TMSB15B: variants seen among roughly 807,000 people sequenced by gnomAD.
TMSB15B encodes thymosin beta 15B, also known as thymosin beta-15B.
chrX:103,946,413 G>A (rs1358746598), intron 1 of TMSB15B, among the ~76,000 whole-genome samples: 5 of 112,240 alleles, frequency 4.5e-5, no homozygotes, highest in African/African-American at 9.7e-5. Flanking sequence ...GCAAGAGTAC[G>A]CATAAATGCT....
chrX:103,951,888 C>T (rs1178359735), intron 1 of TMSB15B, among the ~76,000 whole-genome samples: 2 of 110,602 alleles, frequency 1.8e-5, no homozygotes, highest in Non-Finnish European at 3.8e-5. Context: ...AAGAGAGGAG[C>T]GTATGGTCAG....
intron 1 of TMSB15B, among the ~76,000 whole-genome samples, chrX:103,943,347 G>A (rs1421716086): frequency 7.1e-5 from 8 of 111,970 alleles, no homozygotes; most frequent in African/African-American, 2.6e-4. Flanking sequence ...CATGCACATA[G>A]TAAGTGCTCA....
chrX:103,936,906 A>G (rs146265797), intron 1 of TMSB15B, among the ~76,000 whole-genome samples: 129 of 111,978 alleles, frequency 1.2e-3, no homozygotes, highest in African/African-American at 4.1e-3. Context: ...TGACATAATC[A>G]TATGGTTTTT....
intron 1 of TMSB15B, among the ~76,000 whole-genome samples, chrX:103,930,158 AC>A (rs1371031418): frequency 9.0e-6 from 1 of 111,579 alleles, no homozygotes; most frequent in Non-Finnish European, 1.9e-5. Flanking sequence ...AACCCCAAAC[AC>A]TAGCCATAAT....
At chrX:103,935,966 C>T (rs1200877293) in intron 1 of TMSB15B, among the ~76,000 whole-genome samples, 7 of 107,160 alleles carry the variant, frequency 6.5e-5, no homozygotes, top group Admixed American at 1.0e-4. Context: ...CCTGCCTCAG[C>T]GTCCCAAGAA....
intron 1 of TMSB15B, among the ~76,000 whole-genome samples, chrX:103,946,515 G>A (rs2075026068): frequency 8.9e-6 from 1 of 112,148 alleles, no homozygotes; most frequent in African/African-American, 3.2e-5. Context: ...TCTCAAATTA[G>A]TCCATAAATC....
intron 1 of TMSB15B, among the ~76,000 whole-genome samples, chrX:103,936,061 G>T (rs1330572909): frequency 1.8e-5 from 2 of 110,017 alleles, no homozygotes; most frequent in Non-Finnish European, 3.8e-5. Context: ...GGTCAGGCTG[G>T]TCTCGAACTC....
intron 1 of TMSB15B, among the ~76,000 whole-genome samples, chrX:103,946,887 C>G (rs2075027075): frequency 2.7e-5 from 3 of 111,338 alleles, no homozygotes; most frequent in Middle Eastern, 4.7e-3. Context: ...TTTGATTCGA[C>G]AAACATTGTA....
intron 1 of TMSB15B, among the ~76,000 whole-genome samples, chrX:103,943,324 G>A (rs1556326102): frequency 8.9e-6 from 1 of 111,784 alleles, no homozygotes; most frequent in African/African-American, 3.2e-5. Context: ...TCTATTTCCA[G>A]TGCCCAGATT....
chrX:103,949,646 G>A (rs149293800), intron 1 of TMSB15B, among the ~76,000 whole-genome samples: 127 of 112,327 alleles, frequency 1.1e-3, no homozygotes, highest in African/African-American at 4.0e-3. Context: ...GAACAGATCA[G>A]GAGTTCTGCC....
chrX:103,953,031 G>C (rs1195973337), intron 1 of TMSB15B, among the ~76,000 whole-genome samples: 3 of 111,891 alleles, frequency 2.7e-5, no homozygotes, highest in Non-Finnish European at 3.8e-5. Flanking sequence ...CCAGGTTCTC[G>C]CATTGAGATT....
At chrX:103,927,553 A>G in intron 1 of TMSB15B, among the ~76,000 whole-genome samples, 1 of 111,345 alleles carries the variant, frequency 9.0e-6, no homozygotes, top group East Asian at 2.8e-4. Context: ...GAATCTATGG[A>G]GAGAAAAGTG....
chrX:103,927,152 A>G (rs1171750426), intron 1 of TMSB15B, among the ~76,000 whole-genome samples: 1 of 110,613 alleles, frequency 9.0e-6, no homozygotes, highest in African/African-American at 3.3e-5. Flanking sequence ...TGCACTGCCT[A>G]TTCTATCTAG....
At chrX:103,937,665 TC>T (rs1340556748) in intron 1 of TMSB15B, among the ~76,000 whole-genome samples, 1 of 111,712 alleles carries the variant, frequency 9.0e-6, no homozygotes, top group Non-Finnish European at 1.9e-5. Context: ...TGTCTCTATC[TC>T]CTTCAGTTCT....
chrX:103,930,959 T>C lies in TMSB15B; in HGVS notation c.-721+11667T>C, dbSNP rs1174854401. 3 of 111,128 alleles carry C rather than the reference T, an allele frequency of 2.7e-5. No individual in the cohort carries two copies. In the East Asian group the frequency reaches 8.4e-4, roughly 31 times the overall value. The allele number at this position is 111,128 out of a possible 1,213,427, so 9.2% of individuals were successfully genotyped here. A position where few individuals can be genotyped will look rare whatever the true frequency, so the allele number is the denominator to read the frequency against. On this transcript the variant is annotated intron_variant, in intron 1 of 3. Transcript: ENST00000419165. ...TTTCCCCCTACAGATATCTCAGTAATGCCCTCCACTTGCATCTCCTTACTG... is the reference window on the plus strand; with the variant it reads ...TTTCCCCCTACAGATATCTCAGTAACGCCCTCCACTTGCATCTCCTTACTG...
intron 1 of TMSB15B, chrX:103,928,152 A>G: frequency 1.7e-6 from 2 of 1,158,161 alleles, no homozygotes; most frequent in South Asian, 3.7e-5. Flanking sequence ...ACACAAGCAG[A>G]GGCTCCAGGA....
intron 1 of TMSB15B, among the ~76,000 whole-genome samples, chrX:103,935,608 C>G (rs1363924851): frequency 9.0e-6 from 1 of 111,071 alleles, no homozygotes; most frequent in Non-Finnish European, 1.9e-5. Context: ...AATCCTTTCC[C>G]CATTGCTTTT....
intron 1 of TMSB15B, among the ~76,000 whole-genome samples, chrX:103,925,105 G>A (rs1431030683): frequency 9.0e-6 from 1 of 111,488 alleles, no homozygotes; most frequent in South Asian, 3.8e-4. Context: ...ATCTTTTATC[G>A]AGGCCACTAT....
chrX:103,949,742 G>T (rs782508522), intron 1 of TMSB15B, among the ~76,000 whole-genome samples: 1 of 112,049 alleles, frequency 8.9e-6, no homozygotes, highest in African/African-American at 3.2e-5. Context: ...AGGAGTTTAG[G>T]ATGAAGATCT....
Sources: gnomAD v4.1 joint callset for allele counts (sites outside exome capture counted in the v4.1 genomes callset) on GRCh38, gnomAD v4.1.1 for gene constraint, MANE v1.5 for transcripts, NCBI Gene and HGNC (gene_info 2026-07-23, HGNC 2026-07-21) for gene names.